Variants in PGAP6 observed in about 807,000 individuals in gnomAD.
PGAP6 encodes the protein post-GPI attachment to proteins 6, also known as post-GPI attachment to proteins factor 6.
A neutral mutation model predicts 68.4 loss-of-function variants in PGAP6; 62 were observed. The observed-to-expected ratio is 0.91, with a 90% CI of 0.74 to 1.12. PGAP6 has a LOEUF of 1.12. PGAP6 is among the 50% of genes most tolerant of loss of function. PGAP6 has a pLI of 0.00. For synonymous variants in PGAP6, 575 were observed against 474.0 expected (o/e 1.21, Z -2.77); for missense variants, 1,188 against 1,068.5 (o/e 1.11, Z -1.56).
At chr16:380,822 G>T (rs375688271) in intron 1 of PGAP6, among the ~76,000 whole-genome samples, 1 of 151,998 alleles carries the variant, frequency 6.6e-6, no homozygotes, top group Non-Finnish European at 1.5e-5. Context: ...TGGGGGCCGG[G>T]AAGTCGGGGA....
At chr16:376,492 CT>C (rs1176966309) in intron 5 of PGAP6, 37 bp from the exon 6 acceptor site, 1 of 1,544,748 alleles carries the variant, frequency 6.5e-7, no homozygotes, top group African/African-American at 1.4e-5. Flanking sequence ...GGAGGAAAGT[CT>C]GGGGATCTGG....
chr16:371,890 G>A lies in PGAP6; in HGVS notation c.*97C>T. The A allele has an allele frequency of 7.2e-7, 1 of 1,380,620 alleles. No homozygotes were observed. Among genetic ancestry groups the A allele is most frequent in the Admixed American group, 2.1e-5 (1 of 47,208 alleles). 85.5% of individuals were successfully genotyped at this position (1,380,620 alleles called of 1,614,324 possible). A position where few individuals can be genotyped will look rare whatever the true frequency, so the allele number is the denominator to read the frequency against. ...GGTATCTAGGCCAATTTATTCAGCT[G>A]GAAATCAATCTGTCCAGGGCTGGAC... On this transcript the variant is annotated 3_prime_UTR_variant, in exon 13 of 13. Coordinates refer to ENST00000431232, the MANE Select transcript of PGAP6 (RefSeq NM_021259.3).
rs1404436636 is a variant in PGAP6 at position 377,189 on chromosome 16, G to A, written c.508-25C>T. On this transcript the variant is annotated intron_variant, in intron 3 of 12. Coordinates refer to ENST00000431232, the MANE Select transcript of PGAP6 (RefSeq NM_021259.3). ...CCTAGGGAAAGAACAGGTGTGGGCGGGGGCGGTGTCAGAGAATGCAGGTGT... is the reference window on the plus strand; with the variant it reads ...CCTAGGGAAAGAACAGGTGTGGGCGAGGGCGGTGTCAGAGAATGCAGGTGT... The A allele has an allele frequency of 1.9e-6, 3 of 1,612,512 alleles. No homozygotes were observed. In the Admixed American group the frequency reaches 5.0e-5, roughly 27 times the overall value.
upstream of PGAP6, among the ~76,000 whole-genome samples, chr16:385,438 A>G (rs1185050293): frequency 5.6e-5 from 8 of 143,614 alleles, no homozygotes. Flanking sequence ...CAGCCTCCCG[A>G]GTTGCTGGGA....
intron 9 of PGAP6, 143 bp downstream of exon 9, chr16:374,613 G>A (rs576893502): frequency 5.7e-6 from 7 of 1,228,020 alleles, no homozygotes; most frequent in South Asian, 4.7e-5. Flanking sequence ...GAATGGGGGA[G>A]TGGGGAGGAG....
chr16:376,486 G>A (rs1555491367), intron 5 of PGAP6, 31 bp from the exon 6 acceptor site: 3 of 1,546,296 alleles, frequency 1.9e-6, no homozygotes, highest in South Asian at 1.2e-5. Context: ...TTGGCTGGAG[G>A]AAAGTCTGGG....
chr16:372,361 C>T, intron 12 of PGAP6, 78 bp from the exon 13 acceptor site: 1 of 1,467,550 alleles, frequency 6.8e-7, no homozygotes, highest in Admixed American at 1.9e-5. Context: ...ACGGTGGTTA[C>T]TGGGGGCCTG....
rs372193857 is a variant in PGAP6 at position 372,054 on chromosome 16, G to A, written c.2249C>T (p.Ser750Leu). 1.6e-5 allele frequency: 26 copies of A among 1,612,578 alleles called. No homozygotes were observed. The highest frequency in any genetic ancestry group is 7.7e-5 in the South Asian group (7 of 91,058). ...PDQPAEPWAC[S>L]QKFPCHYQIC... ...CTGATAGTGGCAGGGGAATTTCTGC[G>A]AGCAGGCCCAGGGCTCGGCGGGCTG... The change falls in exon 13 of 13, where the codon TCG becomes TTG. Residue 750 changes from serine (S) to leucine (L), a missense_variant. Physicochemically the swap from Ser to Leu is moderately radical, Grantham distance 145. Coordinates refer to ENST00000431232, the MANE Select transcript of PGAP6 (RefSeq NM_021259.3).
Position 376,832 on chromosome 16 carries a change from C to T in PGAP6, c.636-20G>A. The T allele has an allele frequency of 6.2e-7, 1 of 1,600,260 alleles. No homozygotes were observed. Among genetic ancestry groups the T allele is most frequent in the Non-Finnish European group, 8.5e-7 (1 of 1,179,390 alleles). On this transcript the variant is annotated intron_variant, in intron 4 of 12. Coordinates refer to ENST00000431232, the MANE Select transcript of PGAP6 (RefSeq NM_021259.3). Reference sequence around the variant, plus strand: ...AAGACCCTGCAGCGAGGGGACACAGCTGGCTCAGGCTCTGCCATTCCTCAG... The same window carrying T: ...AAGACCCTGCAGCGAGGGGACACAGTTGGCTCAGGCTCTGCCATTCCTCAG...
At chr16:372,399 G>C in intron 12 of PGAP6, 116 bp from the exon 13 acceptor site, 1 of 1,216,020 alleles carries the variant, frequency 8.2e-7, no homozygotes, top group Non-Finnish European at 1.2e-6. Context: ...GAACGACAAG[G>C]GTGGGCTGCT....
chr16:374,520 G>A lies in PGAP6; in HGVS notation c.1577-121C>T. The stretch of plus-strand genomic sequence containing the variant: ...CCCAGGAGCAAGCAGGGTAGGCACG[G>A]CGGGCGGGGTCCAAGGTCAGGAGGC... On this transcript the variant is annotated intron_variant, in intron 9 of 12. Transcript: ENST00000431232. The A allele has an allele frequency of 6.5e-6, 8 of 1,239,594 alleles. No homozygotes were observed. In the South Asian group the frequency reaches 1.3e-4, roughly 20 times the overall value. 76.8% of individuals were successfully genotyped at this position (1,239,594 alleles called of 1,614,324 possible). A position where few individuals can be genotyped will look rare whatever the true frequency, so the allele number is the denominator to read the frequency against.
At chr16:386,027 G>GT (rs1006469448), upstream of PGAP6, among the ~76,000 whole-genome samples, 3 of 152,046 alleles carry the variant, frequency 2.0e-5, no homozygotes, top group African/African-American at 7.2e-5. Context: ...GGGACGCATC[G>GT]TATTTCCAAA....
upstream of PGAP6, chr16:382,247 G>A (rs1355416406): frequency 7.6e-6 from 3 of 393,362 alleles, no homozygotes; most frequent in African/African-American, 6.2e-5. Flanking sequence ...AATTCTCCCC[G>A]AGGCGTGGGC....
In PGAP6 at chr16:371,891, G is replaced by T; in HGVS notation, c.*96C>A. The T allele has an allele frequency of 7.2e-7, 1 of 1,386,878 alleles. No individual in the cohort carries two copies. The allele number at this position is 1,386,878 out of a possible 1,614,324, so 85.9% of individuals were successfully genotyped here. A position where few individuals can be genotyped will look rare whatever the true frequency, so the allele number is the denominator to read the frequency against. On this transcript the variant is annotated 3_prime_UTR_variant, in exon 13 of 13. Coordinates refer to ENST00000431232, the MANE Select transcript of PGAP6 (RefSeq NM_021259.3). Reference sequence around the variant, plus strand: ...GTATCTAGGCCAATTTATTCAGCTGGAAATCAATCTGTCCAGGGCTGGACC... The same window carrying T: ...GTATCTAGGCCAATTTATTCAGCTGTAAATCAATCTGTCCAGGGCTGGACC...
chr16:372,173 G>C lies in PGAP6; in HGVS notation c.2130C>G (p.Thr710=), dbSNP rs140057051. Residue 710 remains threonine (T), a synonymous_variant, in exon 13 of 13, where the codon ACC becomes ACG. Transcript: ENST00000431232. ...AGTAGTTGTCGCTAGTCATCATGGA[G>C]GTGTAGATGGCGATGCCCACAGAGG... ...SMASVGIAIY[T]SMMTSDNYYY... is the part of the protein sequence containing the mutation. The C allele has an allele frequency of 1.8e-5, 29 of 1,612,904 alleles. No individual in the cohort carries two copies. In the African/African-American group the frequency reaches 3.5e-4, roughly 19 times the overall value.
chr16:373,355 T>A (rs2141756511), intron 11 of PGAP6, among the ~76,000 whole-genome samples: 1 of 152,314 alleles, frequency 6.6e-6, no homozygotes, highest in African/African-American at 2.4e-5. Context: ...CAGGGCCAGC[T>A]GCCACAGAGA....
At chr16:375,669 C>T (rs1284160152) in intron 6 of PGAP6, among the ~76,000 whole-genome samples, 2 of 152,136 alleles carry the variant, frequency 1.3e-5, no homozygotes, top group Non-Finnish European at 2.9e-5. Context: ...GTAGCTGGGA[C>T]TACAGGCGCC....
chr16:375,234 C>T lies in PGAP6; in HGVS notation c.1338G>A (p.Leu446=), dbSNP rs777216067. Residue 446 remains leucine, a synonymous_variant, in exon 8 of 13, where the codon TTG becomes TTA. Transcript: ENST00000431232. The part of the protein sequence containing the change: ...CTTAFFQGYP[L]SLSAWSRRAN... ...CCCTGCGAGACCAGGCGCTCAGAGACAAAGGGTAGCCCTGGAAGAAGGCTG... is the reference window on the plus strand; with the variant it reads ...CCCTGCGAGACCAGGCGCTCAGAGATAAAGGGTAGCCCTGGAAGAAGGCTG... The T allele has an allele frequency of 3.1e-6, 5 of 1,613,080 alleles. No individual in the cohort carries two copies. The highest frequency in any genetic ancestry group is 4.2e-6 in the Non-Finnish European group (5 of 1,179,986).
upstream of PGAP6, chr16:386,711 C>CA (rs374913403): frequency 0.15 from 28,048 of 186,194 alleles, 21 homozygotes; most frequent in Middle Eastern, 0.19. Context: ...CCAGTCTCTA[C>CA]AAAAAAAAAA....
Sources: gnomAD v4.1 joint callset for allele counts (sites outside exome capture counted in the v4.1 genomes callset) on GRCh38, gnomAD v4.1.1 for gene constraint, MANE v1.5 for transcripts, NCBI Gene and HGNC (gene_info 2026-07-23, HGNC 2026-07-21) for gene names.